Variants in SCN4B observed in about 807,000 individuals in gnomAD.
The protein encoded by SCN4B is sodium channel regulatory subunit beta-4.
SCN4B carries 20 observed loss-of-function variants against 19.6 expected under a neutral mutation model. The observed-to-expected ratio is 1.02, with a 90% CI of 0.72 to 1.48. The LOEUF (loss-of-function observed/expected upper bound fraction) is 1.48, where lower values mean the gene tolerates loss of function less well. Ranked by LOEUF, SCN4B falls within the 40% of genes most tolerant of loss-of-function variation. SCN4B has a pLI of 0.00. For synonymous variants in SCN4B, 127 were observed against 122.8 expected (o/e 1.03, Z -0.22); for missense variants, 271 against 287.5 (o/e 0.94, Z 0.42).
chr11:118,152,802 G>C lies in SCN4B; in HGVS notation c.-129C>G. On this transcript the variant is annotated 5_prime_UTR_variant, in exon 1 of 5. Coordinates refer to ENST00000324727, the MANE Select transcript of SCN4B (RefSeq NM_174934.4). The stretch of plus-strand genomic sequence containing the variant: ...GCTCTGCGCCGCCGGTCGGGGCTCG[G>C]GAAAGTTAGCGGGCAGAGAGCGAGA... 2 of 651,944 alleles carry C rather than the reference G, an allele frequency of 3.1e-6. No individual in the cohort carries two copies. Among genetic ancestry groups the C allele is most frequent in the Non-Finnish European group, 5.0e-6 (2 of 401,850 alleles). The allele number at this position is 651,944 out of a possible 1,614,324, so 40.4% of individuals were successfully genotyped here. A position where few individuals can be genotyped will look rare whatever the true frequency, so the allele number is the denominator to read the frequency against.
intron 1 of SCN4B, among the ~76,000 whole-genome samples, chr11:118,146,927 C>G (rs970061666): frequency 6.6e-6 from 1 of 152,198 alleles, no homozygotes; most frequent in African/African-American, 2.4e-5. Context: ...TTCAATTAGC[C>G]TTTATTTTTG....
rs1698139041 is a variant in SCN4B, at chr11:118,135,032, A to G, written c.*1995T>C. The G allele has an allele frequency of 2.2e-6, 1 of 454,116 alleles. No individual in the cohort carries two copies. The highest frequency in any genetic ancestry group is 4.4e-6 in the Non-Finnish European group (1 of 226,784). The allele number at this position is 454,116 out of a possible 1,614,324, so 28.1% of individuals were successfully genotyped here. On this transcript the variant is annotated 3_prime_UTR_variant, in exon 5 of 5. Transcript: ENST00000324727. ...CTCTTAAGACAGAAGGAGGAGCCCC[A>G]AGGTGCTCTGCCTCTTCAAATGTCA...
rs551178056 is a variant in SCN4B at position 118,145,451 on chromosome 11, G to A, written c.62-222C>T. On this transcript the variant is annotated intron_variant, in intron 1 of 4. Coordinates refer to ENST00000324727, the MANE Select transcript of SCN4B (RefSeq NM_174934.4). ...AAAGGACTGAATTCTGGACCAGGGA[G>A]TAGCCCTTGTTGCGCTCTGGATGAC... The A allele has an allele frequency of 3.3e-5, 49 of 1,474,254 alleles. No individual in the cohort carries two copies. The South Asian group carries it at 5.5e-4, about 16-fold the overall frequency. 91.3% of individuals were successfully genotyped at this position (1,474,254 alleles called of 1,614,324 possible).
At chr11:118,142,193 C>T (rs1948107603) in intron 3 of SCN4B, among the ~76,000 whole-genome samples, 1 of 152,242 alleles carries the variant, frequency 6.6e-6, no homozygotes, top group Admixed American at 6.5e-5. Flanking sequence ...CAGGCCCTAA[C>T]TCCTCTGCTC....
chr11:118,143,793 C>T, intron 3 of SCN4B, 40 bp downstream of exon 3: 1 of 1,504,608 alleles, frequency 6.6e-7, no homozygotes. Context: ...CTCCCAAGTC[C>T]TTCCCACGCC....
chr11:118,135,622 C>T lies in SCN4B; in HGVS notation c.*1405G>A, dbSNP rs1346312361. On this transcript the variant is annotated 3_prime_UTR_variant, in exon 5 of 5. Coordinates refer to ENST00000324727, the MANE Select transcript of SCN4B (RefSeq NM_174934.4). ...CCCAATGGGAGCACCTGGCCGACAT[C>T]TCCAAGATTCAGTCACTGGCCAATT... 8.8e-6 allele frequency: 4 copies of T among 454,140 alleles called. No individual in the cohort carries two copies. The highest frequency in any genetic ancestry group is 1.8e-5 in the Non-Finnish European group (4 of 226,804). The allele number at this position is 454,140 out of a possible 1,614,324, so 28.1% of individuals were successfully genotyped here.
chr11:118,141,005 T>C (rs1005956145), intron 4 of SCN4B, among the ~76,000 whole-genome samples: 7 of 151,154 alleles, frequency 4.6e-5, no homozygotes, highest in African/African-American at 1.7e-4. Context: ...ATTCAATAAA[T>C]ACATATTGGG....
chr11:118,139,930 C>A (rs531261543), intron 4 of SCN4B, among the ~76,000 whole-genome samples: 1 of 137,576 alleles, frequency 7.3e-6, no homozygotes, highest in Non-Finnish European at 1.5e-5. Context: ...AAGAGACGAG[C>A]TCTTGCTAAG....
intron 1 of SCN4B, among the ~76,000 whole-genome samples, chr11:118,150,501 C>A (rs1759648728): frequency 6.6e-6 from 1 of 152,170 alleles, no homozygotes; most frequent in Admixed American, 6.5e-5. Flanking sequence ...CAGCCCTAAG[C>A]ACAATCACTA....
In SCN4B at chr11:118,138,209, T is replaced by G. The variant is rs553602605; in HGVS notation, c.594-1089A>C. Among the ~76,000 whole-genome samples the G allele has an allele frequency of 1.1e-3, 173 of 152,322 alleles. 4 individuals carry two copies. In the South Asian group the frequency reaches 0.019, roughly 16 times the overall value. On this transcript the variant is annotated intron_variant, in intron 4 of 4. Coordinates refer to ENST00000324727, the MANE Select transcript of SCN4B (RefSeq NM_174934.4). Reference sequence around the variant, plus strand: ...TTTTTCACAGCTGCTACAGCCAAACTACATCCTACCCTCACCCTGGGCTTG... The same window carrying G: ...TTTTTCACAGCTGCTACAGCCAAACGACATCCTACCCTCACCCTGGGCTTG...
intron 1 of SCN4B, among the ~76,000 whole-genome samples, chr11:118,151,134 A>G (rs949132987): frequency 2.0e-5 from 3 of 151,688 alleles, no homozygotes; most frequent in Non-Finnish European, 4.4e-5. Flanking sequence ...ACACACACAC[A>G]CACACACACA....
In SCN4B at chr11:118,136,092, A is replaced by ACGGGGAGAAGC; in HGVS notation, c.*934_*935insGCTTCTCCCCG. On this transcript the variant is annotated 3_prime_UTR_variant, in exon 5 of 5. Coordinates refer to ENST00000324727, the MANE Select transcript of SCN4B (RefSeq NM_174934.4). ...TGGAGGGTGCAGCCTCTCAGGTAGG[A>ACGGGGAGAAGC]GGGGGAGAAGCAGGGGAGAGCTGGG... The ACGGGGAGAAGC allele has an allele frequency of 2.4e-6, 1 of 424,180 alleles. No individual in the cohort carries two copies. The highest frequency in any genetic ancestry group is 7.3e-4 in the Middle Eastern group (1 of 1,368). The allele number at this position is 424,180 out of a possible 1,614,324, so 26.3% of individuals were successfully genotyped here. A position where few individuals can be genotyped will look rare whatever the true frequency, so the allele number is the denominator to read the frequency against.
intron 4 of SCN4B, among the ~76,000 whole-genome samples, chr11:118,140,449 C>G (rs573879055): frequency 1.3e-5 from 2 of 152,354 alleles, no homozygotes; most frequent in African/African-American, 4.8e-5. Flanking sequence ...CCATTCTCTG[C>G]ATCTCGTGGT....
rs889393963 is a variant in SCN4B, at chr11:118,133,912, G to A, written c.*3115C>T. 9.9e-5 allele frequency: 45 copies of A among 454,300 alleles called. No individual in the cohort carries two copies. The highest frequency in any genetic ancestry group is 6.1e-4 in the Admixed American group (26 of 42,546). The allele number at this position is 454,300 out of a possible 1,614,324, so 28.1% of individuals were successfully genotyped here. A position where few individuals can be genotyped will look rare whatever the true frequency, so the allele number is the denominator to read the frequency against. On this transcript the variant is annotated 3_prime_UTR_variant, in exon 5 of 5. Coordinates refer to ENST00000324727, the MANE Select transcript of SCN4B (RefSeq NM_174934.4). ...AGGCATAGCTCAGGCCAAGAAAGAC[G>A]GCTCCTCAAATGTCCAGCATCTGCC... is the stretch of plus-strand genomic sequence containing the variant.
intron 4 of SCN4B, among the ~76,000 whole-genome samples, chr11:118,138,976 C>G (rs915004652): frequency 2.0e-5 from 3 of 152,128 alleles, no homozygotes; most frequent in Non-Finnish European, 2.9e-5. Context: ...GGCTTCCCTA[C>G]GGTCTGTCCC....
At chr11:118,143,226 C>T (rs1189414014) in intron 3 of SCN4B, among the ~76,000 whole-genome samples, 1 of 152,152 alleles carries the variant, frequency 6.6e-6, no homozygotes, top group Non-Finnish European at 1.5e-5. Flanking sequence ...TCATATGCAC[C>T]CTCCTTGTAT....
chr11:118,135,027 G>A lies in SCN4B; in HGVS notation c.*2000C>T, dbSNP rs151305385. On this transcript the variant is annotated 3_prime_UTR_variant, in exon 5 of 5. Coordinates refer to ENST00000324727, the MANE Select transcript of SCN4B (RefSeq NM_174934.4). The stretch of plus-strand genomic sequence containing the variant: ...GCTTTCTCTTAAGACAGAAGGAGGA[G>A]CCCCAAGGTGCTCTGCCTCTTCAAA... 6.1e-4 allele frequency: 278 copies of A among 454,102 alleles called. 1 individual carries two copies. Among genetic ancestry groups the A allele is most frequent in the African/African-American group, 5.3e-3 (266 of 50,114 alleles). The allele number at this position is 454,102 out of a possible 1,614,324, so 28.1% of individuals were successfully genotyped here. A position where few individuals can be genotyped will look rare whatever the true frequency, so the allele number is the denominator to read the frequency against.
chr11:118,150,851 G>A (rs886478161), intron 1 of SCN4B, among the ~76,000 whole-genome samples: 6 of 152,188 alleles, frequency 3.9e-5, no homozygotes, highest in Non-Finnish European at 7.3e-5. Context: ...CTGGTCAAGG[G>A]CCAAAGGGAC....
Position 118,133,855 on chromosome 11 carries a change from T to G in SCN4B, c.*3172A>C. ...GGAGCACGGCTGGTCTTCTCTGCCT[T>G]TGATTCTTTCTCAGTCTCCAGATGC... is the stretch of plus-strand genomic sequence containing the variant. On this transcript the variant is annotated 3_prime_UTR_variant, in exon 5 of 5. Transcript: ENST00000324727. 1 of 454,444 alleles carries G rather than the reference T, an allele frequency of 2.2e-6. No homozygotes were observed. The highest frequency in any genetic ancestry group is 4.4e-6 in the Non-Finnish European group (1 of 226,798). The allele number at this position is 454,444 out of a possible 1,614,324, so 28.2% of individuals were successfully genotyped here. A position where few individuals can be genotyped will look rare whatever the true frequency, so the allele number is the denominator to read the frequency against.
Sources: allele counts gnomAD v4.1 joint callset (sites outside exome capture counted in the v4.1 genomes callset), GRCh38; gene constraint gnomAD v4.1.1; transcripts MANE v1.5; gene names NCBI Gene and HGNC (gene_info 2026-07-23, HGNC 2026-07-21).